CELF2: variants seen among roughly 807,000 people sequenced by gnomAD.
CELF2 encodes the protein CUGBP Elav-like family member 2.
In CELF2, 8 loss-of-function variants were observed where a neutral mutation model predicts 62.6. The ratio of observed to expected loss-of-function variants is 0.13; its 90% CI spans 0.07 to 0.23. The LOEUF (loss-of-function observed/expected upper bound fraction) is 0.23. CELF2 is among the 10% of genes least tolerant of loss of function. The pLI is 1.00. For synonymous variants in CELF2, 258 were observed against 250.0 expected, an observed-to-expected ratio of 1.03 and a Z score of -0.30; for missense variants, 333 against 671.0, an observed-to-expected ratio of 0.50 and a Z score of 5.56.
chr10:11,228,183 T>G (rs1366505577), intron 3 of CELF2, among the ~76,000 whole-genome samples: 1 of 152,244 alleles, frequency 6.6e-6, no homozygotes, highest in African/African-American at 2.4e-5. Context: ...ATAATGGATA[T>G]CTATCAGTAG....
chr10:10,555,543 AC>A, the CELF2 span, among the ~76,000 whole-genome samples: 1 of 152,198 alleles, frequency 6.6e-6, no homozygotes, highest in Non-Finnish European at 1.5e-5. Flanking sequence ...CTCACGTAAA[AC>A]AAAATTGGAT....
chr10:10,673,155 C>T, the CELF2 span, among the ~76,000 whole-genome samples: 1 of 151,998 alleles, frequency 6.6e-6, no homozygotes, highest in East Asian at 1.9e-4. Flanking sequence ...ATAATAATCG[C>T]TTACTAGTTT....
chr10:10,542,466 C>G, the CELF2 span, among the ~76,000 whole-genome samples: 1 of 152,204 alleles, frequency 6.6e-6, no homozygotes, highest in East Asian at 1.9e-4. Flanking sequence ...AAGAAGGCAG[C>G]CACCATCTCT....
At chr10:10,607,361 C>T in the CELF2 span, among the ~76,000 whole-genome samples, 185 of 152,228 alleles carry the variant, frequency 1.2e-3, 1 homozygote, top group South Asian at 0.018. Flanking sequence ...CCTAACAAAA[C>T]GCCTGCCATA....
At chr10:11,201,159 C>T (rs1251504997) in intron 2 of CELF2, among the ~76,000 whole-genome samples, 1 of 152,150 alleles carries the variant, frequency 6.6e-6, no homozygotes, top group Non-Finnish European at 1.5e-5. Flanking sequence ...TTGGGTAGTC[C>T]CCTGAAGTGT....
intron 1 of CELF2, among the ~76,000 whole-genome samples, chr10:11,026,924 G>A (rs1308848094): frequency 1.3e-5 from 2 of 152,156 alleles, no homozygotes; most frequent in East Asian, 1.9e-4. Flanking sequence ...TTGAGTTTTC[G>A]AGTTGAGCAT....
At chr10:11,119,060 A>T (rs1400318166) in intron 1 of CELF2, among the ~76,000 whole-genome samples, 1 of 152,230 alleles carries the variant, frequency 6.6e-6, no homozygotes, top group Non-Finnish European at 1.5e-5. Flanking sequence ...TTGACCAGCT[A>T]CATGAACAAG....
rs185105030 is a variant in CELF2 at position 10,975,045 on chromosome 10, G to A, written c.89+55046G>A. On this transcript the variant is annotated intron_variant, in intron 2 of 13. Coordinates refer to the CELF2 transcript ENST00000636488. ...AGTTTTCAGGGATGTAGCCTCAGGAGCACAGGTTTTAGATTTGGATAGTCC... is the reference window on the plus strand; with the variant it reads ...AGTTTTCAGGGATGTAGCCTCAGGAACACAGGTTTTAGATTTGGATAGTCC... Among the ~76,000 whole-genome samples, 33 of 152,336 alleles carry A rather than the reference G, an allele frequency of 2.2e-4. No homozygotes were observed. In the East Asian group the frequency reaches 5.4e-3, roughly 25 times the overall value.
chr10:10,763,942 A>T, the CELF2 span, among the ~76,000 whole-genome samples: 1 of 152,206 alleles, frequency 6.6e-6, no homozygotes, highest in Admixed American at 6.5e-5. Context: ...GAAAGTGCTA[A>T]TGGATATGGT....
the CELF2 span, among the ~76,000 whole-genome samples, chr10:10,765,831 A>G: frequency 2.0e-5 from 3 of 151,950 alleles, no homozygotes; most frequent in Non-Finnish European, 2.9e-5. Context: ...AGTTGGTGCA[A>G]TTTCCCATTT....
chr10:11,079,392 A>G (rs138124066), intron 1 of CELF2, among the ~76,000 whole-genome samples: 7 of 152,270 alleles, frequency 4.6e-5, no homozygotes, highest in Non-Finnish European at 1.0e-4. Flanking sequence ...GGCCCATGGT[A>G]TGGTTTGGCT....
the CELF2 span, among the ~76,000 whole-genome samples, chr10:10,508,608 T>C: frequency 6.6e-6 from 1 of 152,158 alleles, no homozygotes; most frequent in Non-Finnish European, 1.5e-5. Flanking sequence ...GTTGTGTGTA[T>C]GTCTTATTGA....
chr10:10,692,427 T>C, the CELF2 span, among the ~76,000 whole-genome samples: 1 of 149,182 alleles, frequency 6.7e-6, no homozygotes, highest in Non-Finnish European at 1.5e-5. Context: ...TAGTATAGTT[T>C]GAAGTCAGGT....
intron 3 of CELF2, among the ~76,000 whole-genome samples, chr10:11,218,575 G>T (rs930283524): frequency 1.3e-5 from 2 of 152,178 alleles, no homozygotes; most frequent in Admixed American, 1.3e-4. Flanking sequence ...ACAACATGAG[G>T]TTCTTCATCA....
chr10:10,830,113 A>C (rs1392052418), intron 1 of CELF2, among the ~76,000 whole-genome samples: 1 of 152,094 alleles, frequency 6.6e-6, no homozygotes, highest in Non-Finnish European at 1.5e-5. Flanking sequence ...AAGAGGCAGC[A>C]ATTTCTGTTG....
the CELF2 span, among the ~76,000 whole-genome samples, chr10:10,665,576 C>T: frequency 6.6e-6 from 1 of 152,102 alleles, no homozygotes; most frequent in Non-Finnish European, 1.5e-5. Flanking sequence ...TAAAATGTTG[C>T]TATTTCGTAA....
At chr10:10,482,723 A>G in the CELF2 span, among the ~76,000 whole-genome samples, 6 of 152,270 alleles carry the variant, frequency 3.9e-5, no homozygotes, top group African/African-American at 1.4e-4. Context: ...ATAGTAAACA[A>G]CTCGCCTGTG....
the CELF2 span, among the ~76,000 whole-genome samples, chr10:10,594,348 C>G: frequency 6.6e-6 from 1 of 151,794 alleles, no homozygotes; most frequent in Non-Finnish European, 1.5e-5. Flanking sequence ...GTTTGAGATG[C>G]CTATAGGAAT....
intron 1 of CELF2, among the ~76,000 whole-genome samples, chr10:11,108,349 T>TTG (rs1275433613): frequency 7.0e-5 from 4 of 57,256 alleles, no homozygotes; most frequent in Non-Finnish European, 1.4e-4. Flanking sequence ...TGGTTCACTG[T>TTG]TTTTTTGTTT....
Sources: gnomAD v4.1 joint callset for allele counts (sites outside exome capture counted in the v4.1 genomes callset) on GRCh38, gnomAD v4.1.1 for gene constraint, MANE v1.5 for transcripts, NCBI Gene and HGNC (gene_info 2026-07-23, HGNC 2026-07-21) for gene names.